The following ATM variants were observed in gnomAD, a reference collection of about 807,000 sequenced individuals.
ATM encodes the protein serine-protein kinase ATM.
Under a neutral mutation model 387.0 loss-of-function variants are expected in ATM, and 308 were observed. That is an observed-to-expected ratio of 0.80 (90% CI 0.73 to 0.87). The LOEUF (loss-of-function observed/expected upper bound fraction) is 0.87. Among genes scored for constraint, ATM ranks in the 40% least tolerant of loss-of-function variants. The probability of loss-of-function intolerance (pLI) is 0.00; values close to 1 mark genes in which losing one functional copy is unlikely to be tolerated. For synonymous variants in ATM, 1,156 were observed against 1,187.3 expected (o/e 0.97, Z 0.54); for missense variants, 3,312 against 3,560.9 (o/e 0.93, Z 1.78).
intron 42 of ATM, among the ~76,000 whole-genome samples, chr11:108,316,785 G>C (rs682131): frequency 0.52 from 74,583 of 144,612 alleles, 20,266 homozygotes; most frequent in Middle Eastern, 0.73. Flanking sequence ...AATTAGCCGG[G>C]TGTGGTGGCG....
rs190528933 is a variant in ATM at position 108,282,553 on chromosome 11, A to C, written c.3577-157A>C. Reference sequence around the variant, plus strand: ...GTGTCAGATACTGTGCCAGTTGAGTACATTTTCTTAATTATTATTCCCATC... The same window carrying C: ...GTGTCAGATACTGTGCCAGTTGAGTCCATTTTCTTAATTATTATTCCCATC... On this transcript the variant is annotated intron_variant, in intron 24 of 62. Coordinates refer to ENST00000675843, the MANE Select transcript of ATM (RefSeq NM_000051.4). 0.011 allele frequency among the ~76,000 whole-genome samples: 1,667 copies of C among 152,348 alleles called. 13 individuals carry two copies. Among genetic ancestry groups the C allele is most frequent in the Middle Eastern group, 0.027 (8 of 294 alleles).
intron 7 of ATM, among the ~76,000 whole-genome samples, chr11:108,245,445 C>T (rs1314234092): frequency 6.6e-6 from 1 of 152,134 alleles, no homozygotes; most frequent in African/African-American, 2.4e-5. Flanking sequence ...GATTATTCAG[C>T]TCCTGAGGAA....
At chr11:108,268,304 CT>C in intron 17 of ATM, 105 bp from the exon 18 acceptor site, 2 of 1,036,708 alleles carry the variant, frequency 1.9e-6, no homozygotes, top group Non-Finnish European at 2.9e-6. Flanking sequence ...TATAATTTTG[CT>C]TTTCATATAC....
chr11:108,342,362 T>G (rs1385978128), intron 56 of ATM, among the ~76,000 whole-genome samples: 1 of 152,220 alleles, frequency 6.6e-6, no homozygotes, highest in Non-Finnish European at 1.5e-5. Context: ...GAGTTAAATA[T>G]GCTCACATAG....
chr11:108,320,049 A>C lies in ATM; in HGVS notation c.6443A>C (p.Lys2148Thr), dbSNP rs730881382. Residue 2148 changes from lysine (K) to threonine (T), a missense_variant, in exon 44 of 63, where the codon AAA (lysine) becomes ACA (threonine). Around this residue, in one of 4 missense-constraint regions of ATM, gnomAD observed 1,405 missense variants for 1,604.4 expected, o/e 0.88. Transcript: ENST00000675843. ...TTCTCTACATTTTATGAAAGTCTCA[A>C]ATATGCCAGGTATTATGAAAAGACA... is the stretch of plus-strand genomic sequence containing the variant. ...REFSTFYESLKYARVKEVEEM... is the reference protein window; with the variant it reads ...REFSTFYESLTYARVKEVEEM... 1.3e-6 allele frequency: 2 copies of C among 1,589,646 alleles called. No individual in the cohort carries two copies. The highest frequency in any genetic ancestry group is 1.7e-5 in the Admixed American group (1 of 59,958).
At position 108,229,122 on chromosome 11, in the gene ATM, T is replaced by C. The variant is rs557140961; in HGVS notation, c.186-56T>C. On this transcript the variant is annotated intron_variant, in intron 3 of 62. Coordinates refer to ENST00000675843, the MANE Select transcript of ATM (RefSeq NM_000051.4). Reference sequence around the variant, plus strand: ...GTGATGGCATGAACAGCTTTTGAAATTATTATAATTTAAGTATTCAACGAG... The same window carrying C: ...GTGATGGCATGAACAGCTTTTGAAACTATTATAATTTAAGTATTCAACGAG... The C allele has an allele frequency of 3.2e-6, 5 of 1,546,528 alleles. No homozygotes were observed. The South Asian group carries it at 4.7e-5, about 15-fold the overall frequency.
At chr11:108,229,647 G>A (rs1469479912) in intron 4 of ATM, 5 of 245,998 alleles carry the variant, frequency 2.0e-5, no homozygotes, top group Non-Finnish European at 3.9e-5. Context: ...GGAAATTTAT[G>A]CAAGCATAGA....
chr11:108,267,436 T>A, intron 17 of ATM, 94 bp downstream of exon 17: 1 of 1,143,818 alleles, frequency 8.7e-7, no homozygotes, highest in Non-Finnish European at 1.3e-6. Flanking sequence ...TGTGCTTATT[T>A]CATTTTCTCT....
chr11:108,251,104 A>G (rs767486011), intron 10 of ATM, 32 bp downstream of exon 10: 13 of 1,613,196 alleles, frequency 8.1e-6, no homozygotes, highest in African/African-American at 1.3e-5. Flanking sequence ...TCTGACTTAC[A>G]GATAAACACA....
chr11:108,266,527 C>G (rs1336370499), intron 16 of ATM, among the ~76,000 whole-genome samples: 1 of 149,792 alleles, frequency 6.7e-6, no homozygotes. Context: ...GGAGATATAC[C>G]TAATGCTAGA....
rs1366802040 is a variant in ATM at position 108,367,984 on chromosome 11, A to C, written c.*2476A>C. The C allele has an allele frequency of 2.4e-5, 5 of 205,462 alleles. No homozygotes were observed. The highest frequency in any genetic ancestry group is 6.0e-5 in the Admixed American group (1 of 16,718). The allele number at this position is 205,462 out of a possible 1,614,324, so 12.7% of individuals were successfully genotyped here. A position where few individuals can be genotyped will look rare whatever the true frequency, so the allele number is the denominator to read the frequency against. ...GAAATTAGAAATTATCAACTAGATAATAGTATAGATAAATGAATTTGTAGC... is the reference window on the plus strand; with the variant it reads ...GAAATTAGAAATTATCAACTAGATACTAGTATAGATAAATGAATTTGTAGC... On this transcript the variant is annotated 3_prime_UTR_variant, in exon 63 of 63. Transcript: ENST00000675843.
intron 47 of ATM, 41 bp from the exon 48 acceptor site, chr11:108,327,604 G>T: frequency 2.7e-6 from 4 of 1,486,690 alleles, no homozygotes; most frequent in South Asian, 1.1e-5. Context: ...GTACAGTCAT[G>T]GTAATGCATT....
chr11:108,315,919 G>T lies in ATM; in HGVS notation c.6095+8G>T, dbSNP rs547072690. The T allele has an allele frequency of 4.3e-6, 7 of 1,609,504 alleles. No homozygotes were observed. In the East Asian group the frequency reaches 1.6e-4, roughly 36 times the overall value. On this transcript the variant is annotated splice_region_variant and intron_variant, in intron 41 of 62. Coordinates refer to ENST00000675843, the MANE Select transcript of ATM (RefSeq NM_000051.4). ...GTTACAACCCATTACTAGGTAAATT[G>T]CATTTTTCTAAACAACGGTATAGTA... is the stretch of plus-strand genomic sequence containing the variant.
At chr11:108,297,823 G>A (rs1591694609) in intron 33 of ATM, among the ~76,000 whole-genome samples, 1 of 152,134 alleles carries the variant, frequency 6.6e-6, no homozygotes, top group East Asian at 1.9e-4. Context: ...GGCCCCTTTT[G>A]TACTTTTCTT....
At chr11:108,327,430 C>T in intron 47 of ATM, 1 of 502,556 alleles carries the variant, frequency 2.0e-6, no homozygotes, top group Non-Finnish European at 3.6e-6. Context: ...TGACTTGCTC[C>T]AATAATGGCA....
chr11:108,271,886 G>C (rs972070656), intron 20 of ATM, among the ~76,000 whole-genome samples: 1 of 151,982 alleles, frequency 6.6e-6, no homozygotes, highest in African/African-American at 2.4e-5. Flanking sequence ...GTTTTTTTGA[G>C]ATGGAGTCTC....
At chr11:108,292,100 A>C (rs575134169) in intron 29 of ATM, among the ~76,000 whole-genome samples, 3 of 152,176 alleles carry the variant, frequency 2.0e-5, no homozygotes, top group Non-Finnish European at 4.4e-5. Context: ...AAACAGAGCT[A>C]CGCACTTTAC....
Position 108,244,127 on chromosome 11 carries a change from A to G in ATM, c.662+9A>G, listed in dbSNP as rs1392370340. On this transcript the variant is annotated intron_variant, in intron 6 of 62. Coordinates refer to ENST00000675843, the MANE Select transcript of ATM (RefSeq NM_000051.4). ...GCTATTCAGTGTGCGAGGTAATCTA[A>G]TCTCTTTTTCTTTTGTTTTGTATTG... The G allele has an allele frequency of 6.2e-7, 1 of 1,613,430 alleles. No homozygotes were observed. Among genetic ancestry groups the G allele is most frequent in the Non-Finnish European group, 8.5e-7 (1 of 1,179,730 alleles).
At chr11:108,343,096 T>C in intron 56 of ATM, 126 bp from the exon 57 acceptor site, 1 of 1,242,238 alleles carries the variant, frequency 8.0e-7, no homozygotes, top group Non-Finnish European at 1.2e-6. Flanking sequence ...CTTTGTCTTC[T>C]ATGGACAGAG....
Sources: gnomAD v4.1 joint callset for allele counts (sites outside exome capture counted in the v4.1 genomes callset) on GRCh38, gnomAD v4.1.1 for gene constraint, gnomAD v4.1.1 regional missense constraint, MANE v1.5 for transcripts, NCBI Gene and HGNC (gene_info 2026-07-23, HGNC 2026-07-21) for gene names.